Variants in COL28A1 observed in about 807,000 individuals in gnomAD.
COL28A1 encodes the protein collagen type XXVIII alpha 1 chain.
In COL28A1, 161 loss-of-function variants were observed where a neutral mutation model predicts 150.2. The observed-to-expected ratio is 1.07, with a 90% CI of 0.94 to 1.22. COL28A1 has a LOEUF of 1.22. COL28A1 is among the 50% of genes most tolerant of loss of function. The probability of loss-of-function intolerance (pLI) is 0.00; values close to 1 mark genes in which losing one functional copy is unlikely to be tolerated. For synonymous variants in COL28A1, 552 were observed against 469.7 expected (o/e 1.18, Z -2.26); for missense variants, 1,617 against 1,388.3 (o/e 1.16, Z -2.62).
intron 13 of COL28A1, among the ~76,000 whole-genome samples, chr7:7,478,721 G>A (rs931483014): frequency 6.6e-6 from 1 of 152,244 alleles, no homozygotes; most frequent in Non-Finnish European, 1.5e-5. Flanking sequence ...GTGAGAAATC[G>A]AGCGCACTGC....
intron 27 of COL28A1, among the ~76,000 whole-genome samples, chr7:7,403,354 T>G (rs1783321702): frequency 6.6e-6 from 1 of 152,182 alleles, no homozygotes; most frequent in Admixed American, 6.5e-5. Flanking sequence ...TTGAAGCTGA[T>G]CTCTTTGGGT....
chr7:7,406,564 A>G (rs1394805399), intron 27 of COL28A1, among the ~76,000 whole-genome samples: 1 of 152,164 alleles, frequency 6.6e-6, no homozygotes, highest in Non-Finnish European at 1.5e-5. Context: ...ATAAAACAGG[A>G]TAACATGATA....
intron 13 of COL28A1, among the ~76,000 whole-genome samples, chr7:7,486,333 G>GT (rs1779622026): frequency 6.6e-6 from 1 of 152,100 alleles, no homozygotes. Context: ...ATTCTAGGAG[G>GT]TTTTTGTATA....
intron 15 of COL28A1, among the ~76,000 whole-genome samples, chr7:7,471,071 C>G (rs187163888): frequency 0.077 from 10,570 of 136,452 alleles, 507 homozygotes; most frequent in Middle Eastern, 0.16. Flanking sequence ...TGTAACTAAC[C>G]TGCACAATGT....
chr7:7,441,471 C>T (rs1403120367), intron 20 of COL28A1, among the ~76,000 whole-genome samples: 5 of 150,156 alleles, frequency 3.3e-5, no homozygotes, highest in Non-Finnish European at 7.4e-5. Context: ...TATCTTTCAA[C>T]TAGGGTTCAA....
intron 13 of COL28A1, among the ~76,000 whole-genome samples, chr7:7,480,615 TG>T (rs1562790498): frequency 6.6e-6 from 1 of 151,946 alleles, no homozygotes; most frequent in Non-Finnish European, 1.5e-5. Flanking sequence ...ATATGACAAA[TG>T]AAAAAAAACA....
intron 13 of COL28A1, among the ~76,000 whole-genome samples, chr7:7,480,637 T>C (rs563051031): frequency 2.6e-5 from 4 of 152,324 alleles, no homozygotes; most frequent in African/African-American, 9.6e-5. Context: ...CAATTTATAT[T>C]AAATGTAAGG....
At chr7:7,391,741 C>A (rs13438119) in intron 27 of COL28A1, among the ~76,000 whole-genome samples, 2,762 of 146,396 alleles carry the variant, frequency 0.019, 95 homozygotes, top group African/African-American at 0.065. Flanking sequence ...CCTTCTTTGT[C>A]TTTTTTGATC....
At chr7:7,509,456 T>G (rs529278784) in intron 9 of COL28A1, among the ~76,000 whole-genome samples, 28 of 152,218 alleles carry the variant, frequency 1.8e-4, no homozygotes, top group Non-Finnish European at 3.5e-4. Context: ...CCATTTTAAT[T>G]TCCACTTCTC....
At chr7:7,461,001 T>C (rs1298712969) in intron 15 of COL28A1, among the ~76,000 whole-genome samples, 1 of 152,060 alleles carries the variant, frequency 6.6e-6, no homozygotes, top group Non-Finnish European at 1.5e-5. Context: ...AGGAATACAT[T>C]TGGAAAGCCA....
chr7:7,462,746 C>G (rs1218080157), intron 15 of COL28A1, among the ~76,000 whole-genome samples: 1 of 151,920 alleles, frequency 6.6e-6, no homozygotes, highest in Non-Finnish European at 1.5e-5. Flanking sequence ...GTAATCCCAG[C>G]TACTGGGGAT....
rs1326993485 is a variant in COL28A1, at chr7:7,515,857, A to T, written c.856-17T>A. 1.0e-6 allele frequency: 1 copy of T among 964,346 alleles called. No individual in the cohort carries two copies. Among genetic ancestry groups the T allele is most frequent in the East Asian group, 2.4e-5 (1 of 41,964 alleles). 59.7% of individuals were successfully genotyped at this position (964,346 alleles called of 1,614,324 possible). On this transcript the variant is annotated splice_polypyrimidine_tract_variant and intron_variant, in intron 7 of 34. Coordinates refer to ENST00000399429, the MANE Select transcript of COL28A1 (RefSeq NM_001037763.3). The stretch of plus-strand genomic sequence containing the variant: ...AGGAATTCCCTAATTTAAAAAGAAA[A>T]TAAAAAGTAAAATATGATACTCTGA...
chr7:7,538,751 T>C (rs1425554001), upstream of COL28A1, among the ~76,000 whole-genome samples: 3 of 152,080 alleles, frequency 2.0e-5, no homozygotes, highest in African/African-American at 7.2e-5. Context: ...AAAAAAAGGC[T>C]GGTAACAAAT....
chr7:7,451,134 A>C (rs1277932808), intron 18 of COL28A1, among the ~76,000 whole-genome samples: 1 of 152,176 alleles, frequency 6.6e-6, no homozygotes, highest in African/African-American at 2.4e-5. Context: ...GTCTAGAGTC[A>C]GTGTGGTAAA....
At chr7:7,375,596 T>A in intron 30 of COL28A1, 99 bp from the exon 31 acceptor site, 1 of 656,714 alleles carries the variant, frequency 1.5e-6, no homozygotes, top group Non-Finnish European at 2.3e-6. Context: ...CTGGACCATT[T>A]GATTTAATCC....
At chr7:7,492,362 T>A (rs898606327) in intron 11 of COL28A1, among the ~76,000 whole-genome samples, 3 of 149,476 alleles carry the variant, frequency 2.0e-5, no homozygotes, top group Admixed American at 6.7e-5. Flanking sequence ...TCACTTGAGG[T>A]CAGGAGTTCA....
chr7:7,476,989 T>C (rs1788941155), intron 14 of COL28A1, 123 bp downstream of exon 14: 1 of 626,824 alleles, frequency 1.6e-6, no homozygotes, highest in East Asian at 2.6e-5. Context: ...CTTCATTAAA[T>C]GGAATAAAGA....
rs955894903 is a variant in COL28A1 at position 7,518,844 on chromosome 7, G to T, written c.814-1007C>A. On this transcript the variant is annotated intron_variant, in intron 6 of 34. Transcript: ENST00000399429. ...TAAAATGTAAGTATCACTACTAAAG[G>T]ATATCTCATTCTCTCTATTTAAATT... is the stretch of plus-strand genomic sequence containing the variant. Among the ~76,000 whole-genome samples the T allele has an allele frequency of 8.5e-5, 13 of 152,056 alleles. 1 individual carries two copies. Among genetic ancestry groups the T allele is most frequent in the Admixed American group, 8.5e-4 (13 of 15,262 alleles).
the COL28A1 span, among the ~76,000 whole-genome samples, chr7:7,339,145 A>G: frequency 6.6e-6 from 1 of 152,192 alleles, no homozygotes; most frequent in South Asian, 2.1e-4. Context: ...TGATTGTTTT[A>G]AACCACTGAG....
Sources: gnomAD v4.1 joint callset for allele counts (sites outside exome capture counted in the v4.1 genomes callset) on GRCh38, gnomAD v4.1.1 for gene constraint, MANE v1.5 for transcripts, NCBI Gene and HGNC (gene_info 2026-07-23, HGNC 2026-07-21) for gene names.